The following PPEF2 variants were observed in gnomAD, a reference collection of about 807,000 sequenced individuals.
PPEF2 encodes the protein serine/threonine-protein phosphatase with EF-hands 2.
PPEF2 carries 84 observed loss-of-function variants against 84.7 expected under a neutral mutation model. The ratio of observed to expected loss-of-function variants is 0.99; its 90% confidence interval spans 0.83 to 1.19. The LOEUF is 1.19. Ranked by LOEUF, PPEF2 falls within the 50% of genes most tolerant of loss-of-function variation. The probability of loss-of-function intolerance (pLI) is 0.00; values close to 1 mark genes in which losing one functional copy is unlikely to be tolerated. For synonymous variants in PPEF2, 346 were observed against 345.2 expected, an observed-to-expected ratio of 1.00 and a Z score of -0.03; for missense variants, 924 against 937.5, an observed-to-expected ratio of 0.99 and a Z score of 0.19.
rs918920709 is a variant in PPEF2 at position 75,860,516 on chromosome 4, C to T, written c.*151G>A. The T allele has an allele frequency of 7.1e-6, 7 of 988,848 alleles. No homozygotes were observed. The highest frequency in any genetic ancestry group is 1.0e-5 in the Non-Finnish European group (7 of 683,788). The allele number at this position is 988,848 out of a possible 1,614,324, so 61.3% of individuals were successfully genotyped here. On this transcript the variant is annotated 3_prime_UTR_variant, in exon 17 of 17. Coordinates refer to ENST00000286719, the MANE Select transcript of PPEF2 (RefSeq NM_006239.3). ...CATACATACACAACACCCCAACCCA[C>T]CCCTCCACACTGAAATACACAGGTG...
At chr4:75,873,963 C>A (rs1724347758) in intron 11 of PPEF2, among the ~76,000 whole-genome samples, 1 of 151,640 alleles carries the variant, frequency 6.6e-6, no homozygotes, top group African/African-American at 2.4e-5. Context: ...AAAAAATGAG[C>A]CAGGCATGGA....
At chr4:75,869,659 C>A (rs890977310) in intron 13 of PPEF2, among the ~76,000 whole-genome samples, 23 of 152,200 alleles carry the variant, frequency 1.5e-4, no homozygotes, top group African/African-American at 4.3e-4. Context: ...CCAGCCTGGG[C>A]AGAATAGTGA....
At chr4:75,886,308 A>C (rs143662338) in intron 7 of PPEF2, among the ~76,000 whole-genome samples, 2,789 of 152,294 alleles carry the variant, frequency 0.018, 26 homozygotes, top group Middle Eastern at 0.037. Flanking sequence ...GCCGGCCCGC[A>C]GTTCGGCTCA....
At chr4:75,898,198 A>T (rs1165802788) in intron 1 of PPEF2, among the ~76,000 whole-genome samples, 2 of 152,204 alleles carry the variant, frequency 1.3e-5, no homozygotes, top group African/African-American at 4.8e-5. Context: ...CCCTGCCCTC[A>T]TTCTGGAAAG....
At chr4:75,898,875 T>C (rs1725064114) in intron 1 of PPEF2, among the ~76,000 whole-genome samples, 1 of 152,212 alleles carries the variant, frequency 6.6e-6, no homozygotes, top group Non-Finnish European at 1.5e-5. Context: ...TTCAAAATTC[T>C]CTCTTCTAGC....
At chr4:75,877,729 T>C (rs953021187) in intron 10 of PPEF2, among the ~76,000 whole-genome samples, 2 of 152,102 alleles carry the variant, frequency 1.3e-5, no homozygotes, top group African/African-American at 2.4e-5. Flanking sequence ...GTTTTTTACA[T>C]AGGTACACAC....
At position 75,902,261 on chromosome 4, in the gene PPEF2, A is replaced by T. The variant is rs1456317217; in HGVS notation, c.-90T>A. On this transcript the variant is annotated 5_prime_UTR_variant, in exon 1 of 17. Transcript: ENST00000286719. ...TGCTGGGTTTTTTATTTACCATGAG[A>T]CACAACAAGGCAGAAATCTCTTTAA... The T allele has an allele frequency of 6.6e-6, 1 of 152,214 alleles. No homozygotes were observed. The highest frequency in any genetic ancestry group is 1.5e-5 in the Non-Finnish European group (1 of 68,050). The allele number at this position is 152,214 out of a possible 1,614,324, so 9.4% of individuals were successfully genotyped here. A position where few individuals can be genotyped will look rare whatever the true frequency, so the allele number is the denominator to read the frequency against.
chr4:75,891,593 G>A (rs369753643), intron 4 of PPEF2, 55 bp downstream of exon 4: 37 of 1,533,056 alleles, frequency 2.4e-5, no homozygotes, highest in Non-Finnish European at 3.1e-5. Context: ...CCACCTCACC[G>A]TGTAATCTAT....
At chr4:75,869,054 CA>C (rs1157703727) in intron 13 of PPEF2, among the ~76,000 whole-genome samples, 1 of 152,170 alleles carries the variant, frequency 6.6e-6, no homozygotes, top group East Asian at 1.9e-4. Context: ...AAACTCACCC[CA>C]AATTTCACAG....
chr4:75,873,750 TG>T (rs1360768662), intron 11 of PPEF2, among the ~76,000 whole-genome samples: 2 of 152,044 alleles, frequency 1.3e-5, no homozygotes, highest in African/African-American at 4.8e-5. Context: ...GACGTGGTCC[TG>T]GGAAAATGCA....
intron 6 of PPEF2, 31 bp downstream of exon 6, chr4:75,888,183 G>T (rs1213327703): frequency 1.3e-6 from 2 of 1,484,738 alleles, no homozygotes; most frequent in South Asian, 1.1e-5. Context: ...TTTGTGTGCA[G>T]CATGGAAAGC....
intron 1 of PPEF2, among the ~76,000 whole-genome samples, chr4:75,898,250 T>C (rs1005891458): frequency 3.3e-5 from 5 of 152,242 alleles, no homozygotes; most frequent in Non-Finnish European, 7.3e-5. Context: ...ATGATGAACA[T>C]GTCACAGTGC....
At chr4:75,887,482 G>A (rs1256357425) in intron 6 of PPEF2, among the ~76,000 whole-genome samples, 1 of 152,048 alleles carries the variant, frequency 6.6e-6, no homozygotes, top group East Asian at 1.9e-4. Flanking sequence ...TTAGCCGGGC[G>A]TGGTGGCGGG....
At chr4:75,885,862 A>G (rs143799975) in intron 7 of PPEF2, among the ~76,000 whole-genome samples, 2,240 of 152,180 alleles carry the variant, frequency 0.015, 36 homozygotes, top group African/African-American at 0.032. Flanking sequence ...TACAAAAATT[A>G]GCCGGGCGTG....
chr4:75,896,469 G>C (rs181506336), intron 1 of PPEF2, 86 bp from the exon 2 acceptor site: 19 of 794,086 alleles, frequency 2.4e-5, no homozygotes, highest in Admixed American at 2.0e-4. Flanking sequence ...AATCATGTGA[G>C]AGTATCCTCT....
At chr4:75,901,012 G>C (rs980755817) in intron 1 of PPEF2, among the ~76,000 whole-genome samples, 9 of 152,188 alleles carry the variant, frequency 5.9e-5, no homozygotes, top group Non-Finnish European at 1.2e-4. Flanking sequence ...ATTACCTCTG[G>C]AGAAAGAGGT....
At position 75,866,287 on chromosome 4, in the gene PPEF2, G is replaced by C. The variant is rs774989139; in HGVS notation, c.1822C>G (p.Arg608Gly). The change falls in exon 15 of 17, where the codon CGG becomes GGG. Residue 608 changes from arginine to glycine, a missense_variant. Physicochemically the swap from Arg to Gly is moderately radical, Grantham distance 125. Coordinates refer to ENST00000286719, the MANE Select transcript of PPEF2 (RefSeq NM_006239.3). ...TTCACCAGCTGTGGCCTCAGCATCCGCCATGGCAGTCCTAGGTGCAACACA... is the reference window on the plus strand; with the variant it reads ...TTCACCAGCTGTGGCCTCAGCATCCCCCATGGCAGTCCTAGGTGCAACACA... Reference protein sequence around the residue: ...ESVLHLGLPWRMLRPQLVNSS... With the variant: ...ESVLHLGLPWGMLRPQLVNSS... 40 of 1,614,004 alleles carry C rather than the reference G, an allele frequency of 2.5e-5. No individual in the cohort carries two copies. Among genetic ancestry groups the C allele is most frequent in the Non-Finnish European group, 3.4e-5 (40 of 1,180,010 alleles).
intron 11 of PPEF2, 25 bp from the exon 12 acceptor site, chr4:75,873,337 C>T (rs868560258): frequency 4.4e-6 from 7 of 1,573,448 alleles, no homozygotes; most frequent in South Asian, 1.2e-5. Flanking sequence ...AGATGATTTC[C>T]TTCCCAAAAA....
intron 8 of PPEF2, among the ~76,000 whole-genome samples, 190 bp downstream of exon 8, chr4:75,884,404 C>T (rs1037530820): frequency 2.1e-5 from 3 of 144,714 alleles, no homozygotes; most frequent in South Asian, 2.3e-4. Flanking sequence ...CTAGCCTAGG[C>T]GACCGAGTGA....
Sources: gnomAD v4.1 joint callset for allele counts (sites outside exome capture counted in the v4.1 genomes callset) on GRCh38, gnomAD v4.1.1 for gene constraint, MANE v1.5 for transcripts, NCBI Gene and HGNC (gene_info 2026-07-23, HGNC 2026-07-21) for gene names.